The following PGGT1B variants were observed in gnomAD, a reference collection of about 807,000 sequenced individuals.
The protein encoded by PGGT1B is geranylgeranyl transferase type-1 subunit beta.
Under a neutral mutation model 46.1 loss-of-function variants are expected in PGGT1B, and 30 were observed. That is an observed-to-expected ratio of 0.65 (90% confidence interval 0.49 to 0.88). PGGT1B has a LOEUF of 0.88. Among genes scored for constraint, PGGT1B ranks in the 40% least tolerant of loss-of-function variants. The pLI, the probability that PGGT1B is intolerant of heterozygous loss-of-function variation, is 0.00. For missense variants in PGGT1B, 376 were observed against 455.9 expected, an observed-to-expected ratio of 0.82 and a Z score of 1.60; for synonymous variants, 170 against 160.0, an observed-to-expected ratio of 1.06 and a Z score of -0.47.
Position 115,212,444 on chromosome 5 carries a change from C to T in PGGT1B, c.1092G>A (p.Lys364=). The T allele has an allele frequency of 6.3e-7, 1 of 1,593,470 alleles. No individual in the cohort carries two copies. Among genetic ancestry groups the T allele is most frequent in the Non-Finnish European group, 8.6e-7 (1 of 1,166,148 alleles). Residue 364 remains lysine, a synonymous_variant, in exon 9 of 9, where the codon AAG becomes AAA. Transcript: ENST00000419445. ...CATTCTCTGAGCATTGTTTAGAGTC[C>T]TTGGTTTTCCAGCTTTGATGGAGAT... ...LLDLHQSWKT[K]DSKQCSENVH... is the part of the protein sequence containing the mutation.
Position 115,230,970 on chromosome 5 carries a change from T to C in PGGT1B, c.658+6A>G. 2.6e-6 allele frequency: 4 copies of C among 1,548,038 alleles called. No homozygotes were observed. The highest frequency in any genetic ancestry group is 3.5e-6 in the Non-Finnish European group (4 of 1,127,608). ...ACTACATGTTCACTTATTTAAGATG[T>C]CTTACCATGAGATTCAAGTCCAGCT... On this transcript the variant is annotated splice_donor_region_variant and intron_variant, in intron 6 of 8. Transcript: ENST00000419445.
intron 5 of PGGT1B, among the ~76,000 whole-genome samples, chr5:115,232,177 C>A (rs1757009993): frequency 6.6e-6 from 1 of 152,026 alleles, no homozygotes; most frequent in African/African-American, 2.4e-5. Context: ...ATAGAAGAAA[C>A]AGCTATTACG....
At chr5:115,241,516 C>G (rs1561480833) in intron 3 of PGGT1B, 23 bp downstream of exon 3, 1 of 1,518,226 alleles carries the variant, frequency 6.6e-7, no homozygotes, top group Admixed American at 1.9e-5. Flanking sequence ...CTTCTACTTC[C>G]TTCTGAACCA....
intron 2 of PGGT1B, among the ~76,000 whole-genome samples, chr5:115,242,522 C>T (rs568827494): frequency 8.7e-4 from 133 of 152,262 alleles, no homozygotes; most frequent in African/African-American, 3.1e-3. Flanking sequence ...CCTACTTCTG[C>T]ATTAGGTACT....
At chr5:115,257,700 T>A (rs1327480119) in intron 1 of PGGT1B, among the ~76,000 whole-genome samples, 1 of 152,192 alleles carries the variant, frequency 6.6e-6, no homozygotes, top group Non-Finnish European at 1.5e-5. Context: ...TGCAACCCCA[T>A]CCTTTACCAA....
At chr5:115,242,644 C>A (rs1334834046) in intron 2 of PGGT1B, among the ~76,000 whole-genome samples, 1 of 152,168 alleles carries the variant, frequency 6.6e-6, no homozygotes, top group Non-Finnish European at 1.5e-5. Flanking sequence ...ATTATCATCT[C>A]CCTACTGGCG....
Position 115,241,617 on chromosome 5 carries a change from A to C in PGGT1B, c.260-11T>G, listed in dbSNP as rs201296753. ...GATTTAGATTTGATCCTAGAAAATA[A>C]AAGCATGTGCTTATTTAAAGTACAC... On this transcript the variant is annotated splice_polypyrimidine_tract_variant and intron_variant, in intron 2 of 8. Coordinates refer to ENST00000419445, the MANE Select transcript of PGGT1B (RefSeq NM_005023.4). 1.3e-6 allele frequency: 2 copies of C among 1,597,384 alleles called. No homozygotes were observed. Among genetic ancestry groups the C allele is most frequent in the African/African-American group, 1.3e-5 (1 of 74,258 alleles).
chr5:115,243,516 A>C (rs919997238), intron 2 of PGGT1B, among the ~76,000 whole-genome samples: 2 of 152,232 alleles, frequency 1.3e-5, no homozygotes, highest in African/African-American at 4.8e-5. Context: ...GAAGGGAATA[A>C]ACAAAATAAT....
intron 8 of PGGT1B, among the ~76,000 whole-genome samples, chr5:115,214,479 C>T (rs1055758632): frequency 6.6e-6 from 1 of 152,082 alleles, no homozygotes; most frequent in Non-Finnish European, 1.5e-5. Flanking sequence ...ATCAAATTTG[C>T]CACTAAATTC....
At chr5:115,247,212 C>T (rs993519828) in intron 2 of PGGT1B, among the ~76,000 whole-genome samples, 16 of 152,096 alleles carry the variant, frequency 1.1e-4, no homozygotes, top group Middle Eastern at 3.4e-3. Context: ...CTTTAAAAAA[C>T]GGTTATAAAC....
chr5:115,222,343 A>C (rs1397127725), intron 6 of PGGT1B, among the ~76,000 whole-genome samples: 1 of 152,178 alleles, frequency 6.6e-6, no homozygotes, highest in Non-Finnish European at 1.5e-5. Context: ...ATCACCTGAG[A>C]CTGATTTTTA....
intron 1 of PGGT1B, among the ~76,000 whole-genome samples, chr5:115,254,432 T>C (rs1283600791): frequency 2.0e-5 from 3 of 152,086 alleles, no homozygotes; most frequent in Non-Finnish European, 4.4e-5. Context: ...TTTAACAATT[T>C]TGTGCATGAA....
chr5:115,235,425 A>G (rs1757150850), intron 5 of PGGT1B, among the ~76,000 whole-genome samples: 3 of 152,118 alleles, frequency 2.0e-5, no homozygotes, highest in Admixed American at 2.0e-4. Context: ...CTCACTGAAT[A>G]TTTAGTCTCC....
chr5:115,239,001 T>C (rs2127013523), intron 3 of PGGT1B, among the ~76,000 whole-genome samples: 1 of 152,254 alleles, frequency 6.6e-6, no homozygotes, highest in Non-Finnish European at 1.5e-5. Flanking sequence ...ACTACCCTTT[T>C]TATAATAATC....
chr5:115,256,708 GA>G (rs1748329932), intron 1 of PGGT1B, among the ~76,000 whole-genome samples: 1 of 152,146 alleles, frequency 6.6e-6, no homozygotes. Context: ...AACTGAAAGA[GA>G]GAGAATTAAA....
Position 115,205,634 on chromosome 5 carries a change from T to C in PGGT1B, c.*6768A>G, listed in dbSNP as rs1756041193. The stretch of plus-strand genomic sequence containing the variant: ...TCAGATTTATAATTCGTAAATGAGT[T>C]TGAGGAACGAAGCCACAAAGGTCTT... On this transcript the variant is annotated 3_prime_UTR_variant, in exon 9 of 9. Coordinates refer to ENST00000419445, the MANE Select transcript of PGGT1B (RefSeq NM_005023.4). 6.6e-6 allele frequency: 1 copy of C among 152,088 alleles called. No individual in the cohort carries two copies. The highest frequency in any genetic ancestry group is 1.5e-5 in the Non-Finnish European group (1 of 67,954). 9.4% of individuals were successfully genotyped at this position (152,088 alleles called of 1,614,324 possible). A position where few individuals can be genotyped will look rare whatever the true frequency, so the allele number is the denominator to read the frequency against.
chr5:115,230,666 A>C (rs1756948713), intron 6 of PGGT1B, among the ~76,000 whole-genome samples: 1 of 152,170 alleles, frequency 6.6e-6, no homozygotes, highest in African/African-American at 2.4e-5. Context: ...TATGCCAAAG[A>C]AAACCTGTTG....
At chr5:115,217,412 TACAG>T (rs1208777191) in intron 7 of PGGT1B, among the ~76,000 whole-genome samples, 3 of 152,194 alleles carry the variant, frequency 2.0e-5, no homozygotes, top group Non-Finnish European at 2.9e-5. Context: ...AACCAGATGC[TACAG>T]ACAGTTTTGA....
At chr5:115,242,661 G>A (rs974236731) in intron 2 of PGGT1B, among the ~76,000 whole-genome samples, 1 of 152,150 alleles carries the variant, frequency 6.6e-6, no homozygotes, top group African/African-American at 2.4e-5. Context: ...GGCGAAAAAT[G>A]TATTTTAAAA....
Sources: gnomAD v4.1 joint callset for allele counts (sites outside exome capture counted in the v4.1 genomes callset) on GRCh38, gnomAD v4.1.1 for gene constraint, MANE v1.5 for transcripts, NCBI Gene and HGNC (gene_info 2026-07-23, HGNC 2026-07-21) for gene names.